Variants in NFKBIL1 observed in about 807,000 individuals in gnomAD.
The protein encoded by NFKBIL1 is NF-kappa-B inhibitor-like protein 1.
NFKBIL1 carries 30 observed loss-of-function variants against 45.4 expected under a neutral mutation model. The ratio of observed to expected loss-of-function variants is 0.66; its 90% confidence interval spans 0.49 to 0.90. The LOEUF is 0.90. NFKBIL1 is among the 40% of genes least tolerant of loss of function. NFKBIL1 has a pLI of 0.00. For synonymous variants in NFKBIL1, 179 were observed against 197.3 expected (o/e 0.91, Z 0.78); for missense variants, 434 against 513.4 (o/e 0.85, Z 1.49).
At chr6:31,549,083 G>T (rs1451767548) in intron 2 of NFKBIL1, among the ~76,000 whole-genome samples, 1 of 152,138 alleles carries the variant, frequency 6.6e-6, no homozygotes, top group Non-Finnish European at 1.5e-5. Context: ...ACATTGTCCT[G>T]TGTTATACAT....
At chr6:31,552,934 G>A (rs1769517071) in intron 2 of NFKBIL1, among the ~76,000 whole-genome samples, 5 of 151,078 alleles carry the variant, frequency 3.3e-5, no homozygotes, top group Admixed American at 3.3e-4. Flanking sequence ...TCGAACTCCT[G>A]ACCTCATGAT....
chr6:31,555,920 A>G (rs889378303), intron 2 of NFKBIL1, among the ~76,000 whole-genome samples: 9 of 150,686 alleles, frequency 6.0e-5, no homozygotes, highest in African/African-American at 2.2e-4. Flanking sequence ...CAGCCTCCCA[A>G]AGTGCTGGGA....
Position 31,558,547 on chromosome 6 carries a change from G to A in NFKBIL1, c.1082G>A (p.Arg361His), listed in dbSNP as rs774418376. Residue 361 changes from arginine (R) to histidine (H), a missense_variant, in exon 4 of 4, where the codon CGT becomes CAT. This residue lies in a region of NFKBIL1 where 52 missense variants were observed against 95.9 expected (regional missense o/e 0.54). Coordinates refer to ENST00000376148, the MANE Select transcript of NFKBIL1 (RefSeq NM_005007.4). The surrounding 1 kb of genome is among the most constrained non-coding windows in gnomAD (Gnocchi z 7.2). ...RSQIETWELG[R>H]VMGAVTALSQ... Reference sequence around the variant, plus strand: ...CAGATTGAGACCTGGGAGCTGGGCCGTGTGATGGGAGCAGTGACAGCCCTT... The same window carrying A: ...CAGATTGAGACCTGGGAGCTGGGCCATGTGATGGGAGCAGTGACAGCCCTT... The A allele has an allele frequency of 1.0e-5, 16 of 1,565,074 alleles. No homozygotes were observed. Among genetic ancestry groups the A allele is most frequent in the East Asian group, 2.3e-5 (1 of 42,790 alleles).
intron 2 of NFKBIL1, chr6:31,556,725 C>G (rs1230050577): frequency 2.2e-6 from 1 of 457,168 alleles, no homozygotes; most frequent in South Asian, 1.5e-5. Context: ...AGAGCTTGCT[C>G]TGCCGCCGGC....
intron 2 of NFKBIL1, among the ~76,000 whole-genome samples, chr6:31,553,059 C>G (rs1271438122): frequency 2.3e-5 from 3 of 127,906 alleles, no homozygotes; most frequent in Non-Finnish European, 3.3e-5. Context: ...TTTTTTTTTC[C>G]GAGACAGAGT....
intron 1 of NFKBIL1, 135 bp downstream of exon 1, chr6:31,547,886 T>G (rs1769171609): frequency 1.2e-6 from 1 of 815,744 alleles, no homozygotes; most frequent in Non-Finnish European, 1.9e-6. Flanking sequence ...AAATTAAAAA[T>G]TTACCTGGGC....
chr6:31,554,711 T>C (rs1299692622), intron 2 of NFKBIL1, among the ~76,000 whole-genome samples: 1 of 152,228 alleles, frequency 6.6e-6, no homozygotes, highest in East Asian at 1.9e-4. Flanking sequence ...ACAAACTTAT[T>C]GAGAGCAGTT....
intron 2 of NFKBIL1, among the ~76,000 whole-genome samples, chr6:31,553,931 G>T (rs1205712320): frequency 6.6e-6 from 1 of 152,026 alleles, no homozygotes; most frequent in East Asian, 1.9e-4. Flanking sequence ...AGAGTGCTGG[G>T]ATTACAGGCA....
rs1769670381 is a variant in NFKBIL1 at position 31,555,476 on chromosome 6, G to C, written c.335-2152G>C. On this transcript the variant is annotated intron_variant, in intron 2 of 3. Coordinates refer to ENST00000376148, the MANE Select transcript of NFKBIL1 (RefSeq NM_005007.4). ...TGGTCTCGAACTCCTGACCTCAGGT[G>C]ATCCACCCGCCTCAGCCTCCCAAAG... Among the ~76,000 whole-genome samples the C allele has an allele frequency of 5.3e-5, 8 of 150,930 alleles. No individual in the cohort carries two copies. The South Asian group carries it at 1.7e-3, about 31-fold the overall frequency.
rs761957900 is a variant in NFKBIL1 at position 31,547,682 on chromosome 6, G to A, written c.-13G>A. 1.9e-6 allele frequency: 3 copies of A among 1,601,024 alleles called. No homozygotes were observed. Among genetic ancestry groups the A allele is most frequent in the Admixed American group, 3.4e-5 (2 of 59,120 alleles). On this transcript the variant is annotated 5_prime_UTR_variant, in exon 1 of 4. Coordinates refer to ENST00000376148, the MANE Select transcript of NFKBIL1 (RefSeq NM_005007.4). ...CGGCTCTGGGGGTACTTGGGGGGGCGGGGGCAGGTCTGATGAGTAACCCCT... is the reference window on the plus strand; with the variant it reads ...CGGCTCTGGGGGTACTTGGGGGGGCAGGGGCAGGTCTGATGAGTAACCCCT...
chr6:31,558,312 G>A lies in NFKBIL1; in HGVS notation c.847G>A (p.Glu283Lys), dbSNP rs201985780. Reference protein sequence around the residue: ...EPKPTRAGPREEHPRGAGRGS... With the variant: ...EPKPTRAGPRKEHPRGAGRGS... ...CAAGCCAACCAGGGCCGGGCCCAGG[G>A]AAGAGCACCCCAGAGGAGCGGGGAG... The change falls in exon 4 of 4, where the codon GAA becomes AAA. Residue 283 changes from glutamate (E) to lysine (K), a missense_variant. Physicochemically the swap from Glu to Lys is moderately conservative, Grantham distance 56. Coordinates refer to ENST00000376148, the MANE Select transcript of NFKBIL1 (RefSeq NM_005007.4). This position sits in a 1 kb window ranked among gnomAD's most constrained non-coding sequence, Gnocchi z 7.2. The A allele has an allele frequency of 3.8e-5, 60 of 1,579,634 alleles. No homozygotes were observed. Among genetic ancestry groups the A allele is most frequent in the Non-Finnish European group, 4.6e-5 (53 of 1,162,288 alleles).
Position 31,557,880 on chromosome 6 carries a change from C to T in NFKBIL1, c.556+31C>T. ...AAGTCCACTGCTATCCACAGCTGCC[C>T]TTCCCCACTGGCTGCTTTCCATCTG... On this transcript the variant is annotated intron_variant, in intron 3 of 3. Transcript: ENST00000376148. The surrounding 1 kb of genome is among the most constrained non-coding windows in gnomAD (Gnocchi z 5.4). 1.9e-6 allele frequency: 3 copies of T among 1,549,064 alleles called. No homozygotes were observed. The highest frequency in any genetic ancestry group is 2.6e-6 in the Non-Finnish European group (3 of 1,139,206).
intron 2 of NFKBIL1, among the ~76,000 whole-genome samples, chr6:31,550,610 C>T (rs1056330797): frequency 1.3e-5 from 2 of 152,182 alleles, no homozygotes; most frequent in Non-Finnish European, 2.9e-5. Flanking sequence ...ATCCAGACCC[C>T]AGCTCTGCCA....
At position 31,558,255 on chromosome 6, in the gene NFKBIL1, A is replaced by G; in HGVS notation, c.790A>G (p.Arg264Gly). ...AGAGCTGCGTGAGAGCCGAGCCAGG[A>G]GGGCGCAGGAGGCTCTAGGGGACCG... ...EEELRESRAR[R>G]AQEALGDREP... is the part of the protein sequence containing the mutation. The change falls in exon 4 of 4, where the codon AGG becomes GGG. Residue 264 changes from arginine (R) to glycine (G), a missense_variant. Coordinates refer to ENST00000376148, the MANE Select transcript of NFKBIL1 (RefSeq NM_005007.4). The surrounding 1 kb of genome is among the most constrained non-coding windows in gnomAD (Gnocchi z 7.2). The G allele has an allele frequency of 6.3e-7, 1 of 1,591,444 alleles. No individual in the cohort carries two copies.
At chr6:31,555,425 A>G (rs1227543635) in intron 2 of NFKBIL1, among the ~76,000 whole-genome samples, 2 of 149,032 alleles carry the variant, frequency 1.3e-5, no homozygotes, top group African/African-American at 4.9e-5. Context: ...TTTAGTAGAG[A>G]CAGGATTTCA....
At position 31,553,189 on chromosome 6, in the gene NFKBIL1, A is replaced by G. The variant is rs1356669750; in HGVS notation, c.335-4439A>G. Among the ~76,000 whole-genome samples the G allele has an allele frequency of 2.7e-5, 4 of 150,316 alleles. No homozygotes were observed. In the East Asian group the frequency reaches 7.9e-4, roughly 30 times the overall value. On this transcript the variant is annotated intron_variant, in intron 2 of 3. Coordinates refer to ENST00000376148, the MANE Select transcript of NFKBIL1 (RefSeq NM_005007.4). Reference sequence around the variant, plus strand: ...CCTGAGTAGCTGGGCACCTGCCATCATGCCCAGCTAATTTTTGTATTTTTG... The same window carrying G: ...CCTGAGTAGCTGGGCACCTGCCATCGTGCCCAGCTAATTTTTGTATTTTTG...
At chr6:31,553,002 C>T (rs1240805559) in intron 2 of NFKBIL1, among the ~76,000 whole-genome samples, 3 of 150,826 alleles carry the variant, frequency 2.0e-5, no homozygotes, top group Non-Finnish European at 4.4e-5. Context: ...CCGCGCCAGG[C>T]CTAAAGGGGG....
rs202069625 is a variant in NFKBIL1 at position 31,547,671 on chromosome 6, C to T, written c.-24C>T. 1.3e-6 allele frequency: 2 copies of T among 1,592,338 alleles called. No homozygotes were observed. The highest frequency in any genetic ancestry group is 1.7e-6 in the Non-Finnish European group (2 of 1,164,382). On this transcript the variant is annotated 5_prime_UTR_variant, in exon 1 of 4. Coordinates refer to ENST00000376148, the MANE Select transcript of NFKBIL1 (RefSeq NM_005007.4). ...CCTTGGGCCTACGGCTCTGGGGGTA[C>T]TTGGGGGGGCGGGGGCAGGTCTGAT... is the stretch of plus-strand genomic sequence containing the variant.
Position 31,558,492 on chromosome 6 carries a change from C to A in NFKBIL1, c.1027C>A (p.Pro343Thr). Residue 343 changes from proline to threonine, a missense_variant, in exon 4 of 4, where the codon CCT (proline) becomes ACT (threonine). Pro to Thr is a conservative substitution (Grantham distance 38, BLOSUM62 -1). This residue lies in a region of NFKBIL1 where 52 missense variants were observed against 95.9 expected (regional missense o/e 0.54). Transcript: ENST00000376148. The surrounding 1 kb of genome is among the most constrained non-coding windows in gnomAD (Gnocchi z 7.2). ...GAGGGTCCAGCAGGTCCGCTGGCACCCTGACCGCTTCCTGCAGCGATTCCG... is the reference window on the plus strand; with the variant it reads ...GAGGGTCCAGCAGGTCCGCTGGCACACTGACCGCTTCCTGCAGCGATTCCG... ...YLRVQQVRWHPDRFLQRFRSQ... is the reference protein window; with the variant it reads ...YLRVQQVRWHTDRFLQRFRSQ... 1 of 1,553,508 alleles carries A rather than the reference C, an allele frequency of 6.4e-7. No homozygotes were observed. The highest frequency in any genetic ancestry group is 2.0e-5 in the Admixed American group (1 of 51,132).
Sources: allele counts gnomAD v4.1 joint callset (sites outside exome capture counted in the v4.1 genomes callset), GRCh38; gene constraint gnomAD v4.1.1; regional missense constraint gnomAD v4.1.1; non-coding constraint Gnocchi (gnomAD v3.1); transcripts MANE v1.5; gene names NCBI Gene and HGNC (gene_info 2026-07-23, HGNC 2026-07-21).